Variants in HS6ST3 observed in about 807,000 individuals in gnomAD.
HS6ST3 encodes the protein heparan sulfate 6-O-sulfotransferase 3.
Under a neutral mutation model 36.7 loss-of-function variants are expected in HS6ST3, and 12 were observed. That is an observed-to-expected ratio of 0.33 (90% CI 0.21 to 0.53). The LOEUF (loss-of-function observed/expected upper bound fraction) is 0.53, where lower values mean the gene tolerates loss of function less well. Among genes scored for constraint, HS6ST3 ranks in the 20% least tolerant of loss-of-function variants. The pLI, the probability that HS6ST3 is intolerant of heterozygous loss-of-function variation, is 0.95. For synonymous variants in HS6ST3, 240 were observed against 257.5 expected (o/e 0.93, Z 0.65); for missense variants, 584 against 640.9 (o/e 0.91, Z 0.96).
At chr13:96,743,157 G>A (rs562131961) in intron 1 of HS6ST3, among the ~76,000 whole-genome samples, 9 of 152,056 alleles carry the variant, frequency 5.9e-5, no homozygotes, top group South Asian at 2.1e-4. Context: ...ATCAGGTTCC[G>A]TTTTTATTAA....
Position 96,644,260 on chromosome 13 carries a change from G to A in HS6ST3, c.708-188230G>A, listed in dbSNP as rs188881586. On this transcript the variant is annotated intron_variant, in intron 1 of 1. Coordinates refer to ENST00000376705, the MANE Select transcript of HS6ST3 (RefSeq NM_153456.4). ...CACTTTTCCCATTTCAAGTGCCAGT[G>A]AAGCTTCTTATTAATATCCAGTCTC... Among the ~76,000 whole-genome samples the A allele has an allele frequency of 4.9e-3, 749 of 152,012 alleles. 10 individuals carry two copies. Among genetic ancestry groups the A allele is most frequent in the African/African-American group, 0.017 (701 of 41,498 alleles).
intron 1 of HS6ST3, among the ~76,000 whole-genome samples, chr13:96,720,447 G>T (rs1286619074): frequency 6.6e-6 from 1 of 152,044 alleles, no homozygotes; most frequent in Non-Finnish European, 1.5e-5. Context: ...CACCATCCTT[G>T]GGTTTTGCAC....
At chr13:96,559,252 G>A (rs761457748) in intron 1 of HS6ST3, among the ~76,000 whole-genome samples, 12 of 151,878 alleles carry the variant, frequency 7.9e-5, no homozygotes, top group Non-Finnish European at 1.3e-4. Flanking sequence ...TGATAGCTGG[G>A]ACTATAGACG....
intron 1 of HS6ST3, among the ~76,000 whole-genome samples, chr13:96,301,799 A>G (rs2054883657): frequency 6.6e-6 from 1 of 151,096 alleles, no homozygotes; most frequent in Non-Finnish European, 1.5e-5. Context: ...AATCCCAGCT[A>G]CTCGGCAGGG....
At chr13:96,577,314 CT>C (rs1796329476) in intron 1 of HS6ST3, among the ~76,000 whole-genome samples, 1 of 152,156 alleles carries the variant, frequency 6.6e-6, no homozygotes, top group Admixed American at 6.5e-5. Flanking sequence ...TGGCTTCCAG[CT>C]TCATCCATGT....
At chr13:96,284,910 GCTTTCTTTCTTTCTTTCTTTCTTTCTTT>G (rs71740033) in intron 1 of HS6ST3, among the ~76,000 whole-genome samples, 3,089 of 134,664 alleles carry the variant, frequency 0.023, 74 homozygotes, top group Non-Finnish European at 0.027. Flanking sequence ...ATGCATATTT[GCTTTCTTTCTTTCTTTCTTTCTTTCTTT>G]CTTTCTTTCT....
intron 1 of HS6ST3, among the ~76,000 whole-genome samples, chr13:96,769,775 C>G (rs552922637): frequency 1.2e-4 from 15 of 130,142 alleles, no homozygotes; most frequent in African/African-American, 4.1e-4. Flanking sequence ...TGTGTGTGTG[C>G]GCACATATGT....
chr13:96,132,790 T>G (rs181347200), intron 1 of HS6ST3, among the ~76,000 whole-genome samples: 2 of 152,318 alleles, frequency 1.3e-5, no homozygotes, highest in Admixed American at 1.3e-4. Flanking sequence ...CCTTGTTATC[T>G]TTTGTCTTTT....
At chr13:96,777,803 C>A (rs1305875664) in intron 1 of HS6ST3, among the ~76,000 whole-genome samples, 1 of 152,148 alleles carries the variant, frequency 6.6e-6, no homozygotes, top group Non-Finnish European at 1.5e-5. Flanking sequence ...TGACTTTCTT[C>A]ACATTATTGG....
intron 1 of HS6ST3, among the ~76,000 whole-genome samples, chr13:96,198,562 C>T (rs1262351343): frequency 6.6e-6 from 1 of 152,152 alleles, no homozygotes; most frequent in Admixed American, 6.5e-5. Flanking sequence ...GCCAGCTACC[C>T]TAAATTATCT....
At chr13:96,158,226 G>T (rs1157480243) in intron 1 of HS6ST3, among the ~76,000 whole-genome samples, 1 of 152,150 alleles carries the variant, frequency 6.6e-6, no homozygotes, top group Non-Finnish European at 1.5e-5. Context: ...GGCTGTGCAG[G>T]AGGAGTGCTA....
At chr13:96,272,515 C>T (rs529919794) in intron 1 of HS6ST3, among the ~76,000 whole-genome samples, 25 of 151,890 alleles carry the variant, frequency 1.6e-4, no homozygotes, top group Middle Eastern at 3.4e-3. Flanking sequence ...CAGTTTTAGT[C>T]ATAACAGAGG....
At chr13:96,144,494 A>T (rs1274604859) in intron 1 of HS6ST3, among the ~76,000 whole-genome samples, 7 of 152,102 alleles carry the variant, frequency 4.6e-5, no homozygotes, top group Admixed American at 3.3e-4. Flanking sequence ...GAGGGTTGAA[A>T]GTGGAAATGT....
intron 1 of HS6ST3, among the ~76,000 whole-genome samples, chr13:96,155,796 G>T (rs2054107615): frequency 6.6e-6 from 1 of 152,130 alleles, no homozygotes; most frequent in Non-Finnish European, 1.5e-5. Flanking sequence ...TTCCAAAGAT[G>T]TTTCTCTGAG....
chr13:96,629,288 T>G (rs1278600287), intron 1 of HS6ST3, among the ~76,000 whole-genome samples: 4 of 152,226 alleles, frequency 2.6e-5, no homozygotes, highest in African/African-American at 9.6e-5. Flanking sequence ...TTAAACTGTC[T>G]TATACATCAA....
chr13:96,762,765 T>C (rs1382626877), intron 1 of HS6ST3, among the ~76,000 whole-genome samples: 1 of 152,220 alleles, frequency 6.6e-6, no homozygotes, highest in Non-Finnish European at 1.5e-5. Context: ...ATGTTCAGCC[T>C]ATTCTTTAAC....
chr13:96,710,188 C>G (rs959289397), intron 1 of HS6ST3, among the ~76,000 whole-genome samples: 2 of 152,196 alleles, frequency 1.3e-5, no homozygotes, highest in Non-Finnish European at 2.9e-5. Context: ...ATGTGTAACT[C>G]AGGATTTTGA....
intron 1 of HS6ST3, among the ~76,000 whole-genome samples, chr13:96,599,703 A>G (rs1218489293): frequency 6.6e-6 from 1 of 151,468 alleles, no homozygotes; most frequent in East Asian, 1.9e-4. Context: ...TTGTTTCTCT[A>G]GTTCCTTGAG....
At chr13:96,227,661 G>T (rs1309629249) in intron 1 of HS6ST3, among the ~76,000 whole-genome samples, 1 of 152,160 alleles carries the variant, frequency 6.6e-6, no homozygotes, top group African/African-American at 2.4e-5. Flanking sequence ...AAGCCTCATT[G>T]TTTCCAATCT....
Sources: gnomAD v4.1 joint callset for allele counts (sites outside exome capture counted in the v4.1 genomes callset) on GRCh38, gnomAD v4.1.1 for gene constraint, MANE v1.5 for transcripts, NCBI Gene and HGNC (gene_info 2026-07-23, HGNC 2026-07-21) for gene names.